The following NTRK3 variants were observed in gnomAD, a reference collection of about 807,000 sequenced individuals.
NTRK3 encodes neurotrophic receptor tyrosine kinase 3.
NTRK3 carries 24 observed loss-of-function variants against 91.7 expected under a neutral mutation model. The ratio of observed to expected loss-of-function variants is 0.26; its 90% confidence interval spans 0.19 to 0.37. The LOEUF is 0.37. NTRK3 is among the 10% of genes least tolerant of loss of function. The probability of loss-of-function intolerance (pLI) is 1.00; values close to 1 mark genes in which losing one functional copy is unlikely to be tolerated. For missense variants in NTRK3, 880 were observed against 1,068.9 expected (o/e 0.82, Z 2.46); for synonymous variants, 483 against 404.0 (o/e 1.20, Z -2.34).
intron 13 of NTRK3, among the ~76,000 whole-genome samples, chr15:88,105,742 A>C (rs937975389): frequency 6.6e-6 from 1 of 151,850 alleles, no homozygotes; most frequent in African/African-American, 2.4e-5. Context: ...CCTTTCCCCC[A>C]CCTCTGAGAT....
At chr15:87,960,858 C>T (rs184488934) in intron 14 of NTRK3, among the ~76,000 whole-genome samples, 1 of 152,156 alleles carries the variant, frequency 6.6e-6, no homozygotes, top group Non-Finnish European at 1.5e-5. Flanking sequence ...CCTTCATCAC[C>T]AGACTCTGAT....
chr15:87,974,904 G>A (rs1434176275), intron 14 of NTRK3, among the ~76,000 whole-genome samples: 2 of 152,130 alleles, frequency 1.3e-5, no homozygotes, highest in East Asian at 3.9e-4. Context: ...GCACCTAGGT[G>A]GTGTTTCACA....
At position 88,147,505 on chromosome 15, in the gene NTRK3, CCTTCTTCTTCTT is replaced by C. The variant is rs34299110; in HGVS notation, c.396-114_396-103del. On this transcript the variant is annotated intron_variant, in intron 5 of 18. Transcript: ENST00000394480. ...TTTCACTGGAGCCTGGCTTTGTTTTCCTTCTTCTTCTTCTTCTTCTTCTTCTTCTTCTTCTTC... is the reference window on the plus strand; with the variant it reads ...TTTCACTGGAGCCTGGCTTTGTTTTCCTTCTTCTTCTTCTTCTTCTTCTTC... 6.5e-3 allele frequency: 4,305 copies of C among 660,082 alleles called. 83 individuals carry two copies. The highest frequency in any genetic ancestry group is 0.054 in the African/African-American group (2,926 of 53,932). 40.9% of individuals were successfully genotyped at this position (660,082 alleles called of 1,614,324 possible).
At chr15:88,130,142 A>G (rs2053663360) in intron 10 of NTRK3, among the ~76,000 whole-genome samples, 1 of 152,244 alleles carries the variant, frequency 6.6e-6, no homozygotes, top group Admixed American at 6.5e-5. Context: ...TAAGCCACCC[A>G]GTCTATGGTA....
At chr15:87,929,790 GCT>G (rs1242582345) in intron 16 of NTRK3, among the ~76,000 whole-genome samples, 2 of 152,100 alleles carry the variant, frequency 1.3e-5, no homozygotes, top group Non-Finnish European at 2.9e-5. Context: ...CTTACTATAT[GCT>G]CTGATTGTTT....
intron 17 of NTRK3, chr15:87,928,931 C>T (rs2068556999): frequency 6.7e-6 from 4 of 599,556 alleles, no homozygotes; most frequent in Non-Finnish European, 1.2e-5. Flanking sequence ...CACGTAAGAA[C>T]ACAATGCATA....
intron 13 of NTRK3, among the ~76,000 whole-genome samples, chr15:88,119,126 G>A (rs561681686): frequency 9.2e-5 from 14 of 152,326 alleles, no homozygotes; most frequent in African/African-American, 2.9e-4. Context: ...GCCTCCACAC[G>A]ACCAATGGTG....
chr15:88,236,598 A>G (rs1424962730), intron 3 of NTRK3, among the ~76,000 whole-genome samples: 3 of 151,022 alleles, frequency 2.0e-5, no homozygotes, highest in Non-Finnish European at 4.4e-5. Flanking sequence ...TGAAGTTGCA[A>G]AGACATACAG....
chr15:88,114,905 A>T (rs1405270421), intron 13 of NTRK3, among the ~76,000 whole-genome samples: 6 of 152,198 alleles, frequency 3.9e-5, no homozygotes, highest in Admixed American at 3.9e-4. Flanking sequence ...ATATATATGG[A>T]CCATAATGTA....
intron 14 of NTRK3, among the ~76,000 whole-genome samples, chr15:88,001,767 G>A (rs1338064633): frequency 1.3e-5 from 2 of 152,078 alleles, no homozygotes; most frequent in Non-Finnish European, 2.9e-5. Context: ...GGATTGAGGA[G>A]TTAGAACCTC....
chr15:88,039,851 T>G (rs1567274794), intron 13 of NTRK3, among the ~76,000 whole-genome samples: 1 of 152,226 alleles, frequency 6.6e-6, no homozygotes, highest in Non-Finnish European at 1.5e-5. Context: ...GAATGGGACC[T>G]CACATTCTAT....
chr15:87,920,789 T>C (rs2067802686), intron 17 of NTRK3, among the ~76,000 whole-genome samples: 1 of 152,116 alleles, frequency 6.6e-6, no homozygotes, highest in African/African-American at 2.4e-5. Context: ...ATCGAGGGCA[T>C]AGGGTATCAA....
At chr15:88,015,447 G>A (rs1431227049) in intron 14 of NTRK3, among the ~76,000 whole-genome samples, 3 of 151,960 alleles carry the variant, frequency 2.0e-5, no homozygotes, top group African/African-American at 4.8e-5. Flanking sequence ...GGCCTGGAAG[G>A]CCCTTCCTGT....
At chr15:87,938,024 G>T (rs923874764) in intron 15 of NTRK3, among the ~76,000 whole-genome samples, 1 of 152,046 alleles carries the variant, frequency 6.6e-6, no homozygotes, top group African/African-American at 2.4e-5. Context: ...TGCAAAGGAA[G>T]GGGGTTGACT....
chr15:88,064,674 G>C (rs1393856731), intron 13 of NTRK3, among the ~76,000 whole-genome samples: 1 of 152,208 alleles, frequency 6.6e-6, no homozygotes, highest in Non-Finnish European at 1.5e-5. Flanking sequence ...GCAGTCCAGA[G>C]CGAGAGGGTG....
exon 17 of NTRK3, chr15:87,929,329 C>T (rs754125614): frequency 3.5e-5 from 56 of 1,614,158 alleles, no homozygotes; most frequent in Non-Finnish European, 4.4e-5. Flanking sequence ...ACACCATACC[C>T]GAGGCGATCT....
Position 88,168,250 on chromosome 15 carries a change from G to A in NTRK3, c.395+15168C>T, listed in dbSNP as rs1021359591. On this transcript the variant is annotated intron_variant, in intron 5 of 18. Coordinates refer to ENST00000394480, the Ensembl canonical transcript of NTRK3. ...AGTGATATGTGAAAAGTCCAACAGG[G>A]ACTAGTCACTGCTAAGGGGTCTTCC... Among the ~76,000 whole-genome samples the A allele has an allele frequency of 2.0e-5, 3 of 152,094 alleles. No individual in the cohort carries two copies. In the East Asian group the frequency reaches 5.8e-4, roughly 29 times the overall value.
chr15:88,097,119 G>C (rs1001344852), intron 13 of NTRK3, among the ~76,000 whole-genome samples: 5 of 152,198 alleles, frequency 3.3e-5, no homozygotes, highest in African/African-American at 1.2e-4. Context: ...TGACATGATA[G>C]CATCTCTGAT....
At chr15:87,958,991 C>T (rs8033223) in intron 14 of NTRK3, among the ~76,000 whole-genome samples, 11,517 of 148,250 alleles carry the variant, frequency 0.078, 535 homozygotes, top group Middle Eastern at 0.12. Flanking sequence ...CCCCCACCCC[C>T]GCTCCCCGCC....
Sources: gnomAD v4.1 joint callset for allele counts (sites outside exome capture counted in the v4.1 genomes callset) on GRCh38, gnomAD v4.1.1 for gene constraint, MANE v1.5 for transcripts, NCBI Gene and HGNC (gene_info 2026-07-23, HGNC 2026-07-21) for gene names.